The following GALNTL6 variants were observed in gnomAD, a reference collection of about 807,000 sequenced individuals.
GALNTL6 encodes polypeptide N-acetylgalactosaminyltransferase-like 6.
In GALNTL6, 46 loss-of-function variants were observed where a neutral mutation model predicts 73.7. That is an observed-to-expected ratio of 0.62 (90% CI 0.49 to 0.80). The LOEUF is 0.80. GALNTL6 is among the 30% of genes least tolerant of loss of function. The probability of loss-of-function intolerance (pLI) is 0.00; values close to 1 mark genes in which losing one functional copy is unlikely to be tolerated. For missense variants in GALNTL6, 604 were observed against 755.0 expected, an observed-to-expected ratio of 0.80 and a Z score of 2.34; for synonymous variants, 259 against 263.7, an observed-to-expected ratio of 0.98 and a Z score of 0.17.
At chr4:172,394,535 G>C (rs1006171190) in intron 5 of GALNTL6, among the ~76,000 whole-genome samples, 1 of 151,330 alleles carries the variant, frequency 6.6e-6, no homozygotes, top group Non-Finnish European at 1.5e-5. Flanking sequence ...AGGTTCAAGG[G>C]ATTCTCCTGC....
rs998905047 is a variant in GALNTL6 at position 172,444,777 on chromosome 4, A to G, written c.553+96088A>G. 5.5e-4 allele frequency among the ~76,000 whole-genome samples: 84 copies of G among 152,268 alleles called. 1 individual carries two copies. The highest frequency in any genetic ancestry group is 1.8e-3 in the African/African-American group (76 of 41,556). On this transcript the variant is annotated intron_variant, in intron 5 of 12. Coordinates refer to ENST00000506823, the MANE Select transcript of GALNTL6 (RefSeq NM_001034845.3). ...AAAATACCTCATCCAATCCTTCCAC[A>G]TCAGCAAATTGAATCCTTAATAGCT...
At chr4:172,655,790 T>C (rs1359087566) in intron 5 of GALNTL6, among the ~76,000 whole-genome samples, 1 of 152,244 alleles carries the variant, frequency 6.6e-6, no homozygotes, top group Non-Finnish European at 1.5e-5. Flanking sequence ...ATAAGATAAG[T>C]TAAATGTATC....
intron 2 of GALNTL6, among the ~76,000 whole-genome samples, chr4:172,216,480 G>C (rs899476020): frequency 2.0e-5 from 3 of 151,778 alleles, no homozygotes; most frequent in African/African-American, 2.4e-5. Flanking sequence ...GACTTCTTTC[G>C]AGATTTTCTC....
intron 7 of GALNTL6, among the ~76,000 whole-genome samples, chr4:172,856,408 C>T (rs750685944): frequency 3.3e-5 from 5 of 152,190 alleles, no homozygotes; most frequent in Non-Finnish European, 5.9e-5. Context: ...TCAAACATCT[C>T]ATTATATGGG....
At chr4:172,084,106 A>C (rs891924175) in intron 2 of GALNTL6, among the ~76,000 whole-genome samples, 19 of 152,212 alleles carry the variant, frequency 1.2e-4, no homozygotes, top group Admixed American at 6.5e-5. Flanking sequence ...GTTGTTTTCT[A>C]TGACAAAGGC....
At chr4:172,609,639 G>C (rs1055511401) in intron 5 of GALNTL6, among the ~76,000 whole-genome samples, 5 of 149,624 alleles carry the variant, frequency 3.3e-5, no homozygotes, top group African/African-American at 1.2e-4. Flanking sequence ...GTGTGTGTGT[G>C]TGTGTGTGTG....
At chr4:171,888,033 T>G (rs1736653398) in intron 2 of GALNTL6, among the ~76,000 whole-genome samples, 1 of 152,138 alleles carries the variant, frequency 6.6e-6, no homozygotes, top group South Asian at 2.1e-4. Context: ...TTCTTTTGCT[T>G]TTTGTTTTGC....
chr4:172,400,708 A>C (rs967013447), intron 5 of GALNTL6, among the ~76,000 whole-genome samples: 1 of 152,054 alleles, frequency 6.6e-6, no homozygotes, highest in African/African-American at 2.4e-5. Flanking sequence ...GGGCAGGAGT[A>C]AGTTGATGTT....
intron 5 of GALNTL6, among the ~76,000 whole-genome samples, chr4:172,411,676 G>T (rs1312405261): frequency 6.6e-6 from 1 of 151,346 alleles, no homozygotes; most frequent in Admixed American, 6.6e-5. Flanking sequence ...GCCTCTTCCA[G>T]TTGTCCTAAG....
chr4:171,913,565 C>T (rs1258054064), intron 2 of GALNTL6, among the ~76,000 whole-genome samples: 1 of 152,054 alleles, frequency 6.6e-6, no homozygotes, highest in Non-Finnish European at 1.5e-5. Flanking sequence ...TCAAAGCAAA[C>T]CATTTTTCAT....
chr4:172,000,629 A>G (rs2110757906), intron 2 of GALNTL6, among the ~76,000 whole-genome samples: 1 of 152,274 alleles, frequency 6.6e-6, no homozygotes. Context: ...GAGGATATGA[A>G]TAGGACACTG....
At chr4:172,970,466 T>C (rs1382391479) in intron 10 of GALNTL6, among the ~76,000 whole-genome samples, 1 of 152,078 alleles carries the variant, frequency 6.6e-6, no homozygotes, top group Non-Finnish European at 1.5e-5. Context: ...TTTCCTAGGG[T>C]CTTAATATTT....
intron 5 of GALNTL6, among the ~76,000 whole-genome samples, chr4:172,788,252 C>G (rs1739775032): frequency 6.6e-6 from 1 of 152,178 alleles, no homozygotes; most frequent in East Asian, 1.9e-4. Flanking sequence ...CTAGTCCTAG[C>G]TACCTGGAAG....
intron 2 of GALNTL6, among the ~76,000 whole-genome samples, chr4:172,017,463 G>A (rs752371506): frequency 1.3e-5 from 2 of 152,184 alleles, no homozygotes; most frequent in Non-Finnish European, 2.9e-5. Context: ...AGGCCTCCAT[G>A]CTGCGTTCTT....
intron 3 of GALNTL6, among the ~76,000 whole-genome samples, chr4:172,245,773 G>GA (rs1355064338): frequency 6.6e-6 from 1 of 152,130 alleles, no homozygotes; most frequent in African/African-American, 2.4e-5. Flanking sequence ...TGCTGTAGAG[G>GA]AAATGTGTGT....
intron 5 of GALNTL6, among the ~76,000 whole-genome samples, chr4:172,350,929 C>T (rs146914911): frequency 1.2e-4 from 19 of 152,096 alleles, no homozygotes; most frequent in African/African-American, 1.7e-4. Context: ...ATTAAGTGTA[C>T]GACATTTGGT....
chr4:172,682,799 AT>A (rs1194287272), intron 5 of GALNTL6, among the ~76,000 whole-genome samples: 17 of 152,044 alleles, frequency 1.1e-4, no homozygotes, highest in African/African-American at 4.1e-4. Context: ...TCCAGGAAGT[AT>A]TGCAAACAGA....
chr4:171,958,654 T>C (rs1054050225), intron 2 of GALNTL6, among the ~76,000 whole-genome samples: 1 of 152,234 alleles, frequency 6.6e-6, no homozygotes, highest in Non-Finnish European at 1.5e-5. Flanking sequence ...TTACAAACTT[T>C]ACATTACTCC....
intron 2 of GALNTL6, among the ~76,000 whole-genome samples, chr4:172,153,634 T>A (rs911733112): frequency 1.3e-5 from 2 of 152,236 alleles, no homozygotes; most frequent in Admixed American, 6.5e-5. Flanking sequence ...TTGCATAAAT[T>A]GCCACGCTGG....
Sources: allele counts gnomAD v4.1 joint callset (sites outside exome capture counted in the v4.1 genomes callset), GRCh38; gene constraint gnomAD v4.1.1; transcripts MANE v1.5; gene names NCBI Gene and HGNC (gene_info 2026-07-23, HGNC 2026-07-21).